The following SPECC1 variants were observed in gnomAD, a reference collection of about 807,000 sequenced individuals.
SPECC1 encodes the protein sperm antigen with calponin homology and coiled-coil domains 1.
In SPECC1, 62 loss-of-function variants were observed where a neutral mutation model predicts 104.1. That is an observed-to-expected ratio of 0.60 (90% confidence interval 0.49 to 0.74). SPECC1 has a LOEUF of 0.74. Among genes scored for constraint, SPECC1 ranks in the 30% least tolerant of loss-of-function variants. The probability of loss-of-function intolerance (pLI) is 0.00; values close to 1 mark genes in which losing one functional copy is unlikely to be tolerated. For synonymous variants in SPECC1, 513 were observed against 501.6 expected (o/e 1.02, Z -0.30); for missense variants, 1,306 against 1,310.5 (o/e 1.00, Z 0.05).
At chr17:20,254,134 C>CGTGTGTGT (rs71357419) in intron 10 of SPECC1, among the ~76,000 whole-genome samples, 6,265 of 135,918 alleles carry the variant, frequency 0.046, 321 homozygotes, top group East Asian at 0.12. Flanking sequence ...GTTGTTACAC[C>CGTGTGTGT]GTGTGTGTGT....
At chr17:20,275,932 C>A (rs2040560703) in intron 12 of SPECC1, among the ~76,000 whole-genome samples, 1 of 151,864 alleles carries the variant, frequency 6.6e-6, no homozygotes, top group African/African-American at 2.4e-5. Context: ...ATATTTTGAA[C>A]CATACGTAAA....
At chr17:20,044,178 G>T (rs536963948) in intron 1 of SPECC1, among the ~76,000 whole-genome samples, 1 of 152,098 alleles carries the variant, frequency 6.6e-6, no homozygotes, top group East Asian at 1.9e-4. Context: ...ATGTTCATAG[G>T]CCCTGGGCAG....
At chr17:20,180,551 A>G (rs1431871566) in intron 3 of SPECC1, among the ~76,000 whole-genome samples, 2 of 152,246 alleles carry the variant, frequency 1.3e-5, no homozygotes, top group African/African-American at 4.8e-5. Flanking sequence ...GGGTCAGCTA[A>G]GCTAAATTGC....
At chr17:20,279,006 A>G (rs1158923262) in intron 12 of SPECC1, among the ~76,000 whole-genome samples, 1 of 152,142 alleles carries the variant, frequency 6.6e-6, no homozygotes, top group Non-Finnish European at 1.5e-5. Flanking sequence ...CAAGTATGCC[A>G]GCAGCTGCTG....
chr17:20,172,477 CAG>C (rs1281976398), intron 3 of SPECC1, among the ~76,000 whole-genome samples: 1 of 152,220 alleles, frequency 6.6e-6, no homozygotes, highest in Non-Finnish European at 1.5e-5. Context: ...CTTTCTCTCT[CAG>C]GGGGCAAGTC....
rs1055343096 is a variant in SPECC1, at chr17:20,254,321, G to A, written c.2680+735G>A. Among the ~76,000 whole-genome samples, 3 of 152,154 alleles carry A rather than the reference G, an allele frequency of 2.0e-5. No homozygotes were observed. The South Asian group carries it at 6.2e-4, about 32-fold the overall frequency. ...TGAAGCAGCCCTCAAGAAGGGACAC[G>A]TGGGCTTGAGTCTCAGTACTGCTGC... On this transcript the variant is annotated intron_variant, in intron 10 of 14. Transcript: ENST00000395527.
At chr17:20,199,080 C>CTTTTT (rs562975649) in intron 3 of SPECC1, among the ~76,000 whole-genome samples, 4 of 76,572 alleles carry the variant, frequency 5.2e-5, no homozygotes, top group Non-Finnish European at 8.9e-5. Context: ...CTTATGGTAG[C>CTTTTT]TTTTTTTTTT....
rs796283399 is a variant in SPECC1 at position 20,244,054 on chromosome 17, T to TA, written c.2352-1860dup. ...CAACATGGCGAAACCCCATCTCTAC[T>TA]AAAAAAAAAAAATACGAAAGATTAG... On this transcript the variant is annotated intron_variant, in intron 7 of 14. Transcript: ENST00000395527. 5.8e-3 allele frequency among the ~76,000 whole-genome samples: 827 copies of TA among 143,640 alleles called. 5 individuals carry two copies. The highest frequency in any genetic ancestry group is 0.018 in the African/African-American group (700 of 39,262). The allele number at this position is 143,640 out of a possible 152,430, so 94.2% of individuals were successfully genotyped here.
chr17:20,163,995 C>T (rs1286644223), intron 3 of SPECC1, among the ~76,000 whole-genome samples: 3 of 152,140 alleles, frequency 2.0e-5, no homozygotes, highest in African/African-American at 7.2e-5. Context: ...AGATCCAATT[C>T]TCATAAACAT....
At chr17:20,073,343 G>C (rs2046633971) in intron 1 of SPECC1, among the ~76,000 whole-genome samples, 1 of 152,182 alleles carries the variant, frequency 6.6e-6, no homozygotes, top group South Asian at 2.1e-4. Context: ...ATCTCAGGGA[G>C]CAGTCAGCAG....
intron 14 of SPECC1, among the ~76,000 whole-genome samples, chr17:20,307,946 C>T (rs1598178587): frequency 6.6e-6 from 1 of 152,214 alleles, no homozygotes; most frequent in East Asian, 1.9e-4. Flanking sequence ...AATTTCTGCT[C>T]ACCAGTAATA....
intron 1 of SPECC1, among the ~76,000 whole-genome samples, chr17:20,073,235 G>T (rs1473230158): frequency 6.6e-6 from 1 of 152,094 alleles, no homozygotes; most frequent in Non-Finnish European, 1.5e-5. Flanking sequence ...GTGTTCACAG[G>T]GTCATGGCAA....
At chr17:20,154,229 G>A (rs1284843808) in intron 3 of SPECC1, among the ~76,000 whole-genome samples, 2 of 152,228 alleles carry the variant, frequency 1.3e-5, no homozygotes, top group Admixed American at 1.3e-4. Flanking sequence ...TAGTAAACAT[G>A]TAGTATATGG....
chr17:20,229,489 A>AC lies in SPECC1; in HGVS notation c.2071+1872dup, dbSNP rs1447756881. Among the ~76,000 whole-genome samples the AC allele has an allele frequency of 3.9e-5, 6 of 152,078 alleles. No individual in the cohort carries two copies. In the East Asian group the frequency reaches 1.2e-3, roughly 29 times the overall value. On this transcript the variant is annotated intron_variant, in intron 5 of 14. Transcript: ENST00000395527. The stretch of plus-strand genomic sequence containing the variant: ...AGACCAGCCTGGGCAACATAGTGAG[A>AC]CCCTGTCTTGACAAAAAAATAAAAT...
At chr17:20,135,803 T>TGTGGGGGACCAGAAGATAAGACTTGC (rs1367428975) in intron 3 of SPECC1, among the ~76,000 whole-genome samples, 1 of 152,152 alleles carries the variant, frequency 6.6e-6, no homozygotes, top group Non-Finnish European at 1.5e-5. Flanking sequence ...AGGAACCATG[T>TGTGGGGGACCAGAAGATAAGACTTGC]GTGGGGGACC....
intron 1 of SPECC1, among the ~76,000 whole-genome samples, chr17:20,065,109 G>C (rs1400362730): frequency 6.6e-6 from 1 of 152,166 alleles, no homozygotes; most frequent in African/African-American, 2.4e-5. Flanking sequence ...TGTTTTGGAA[G>C]AACCCTCTCA....
intron 4 of SPECC1, among the ~76,000 whole-genome samples, chr17:20,222,100 G>A (rs980242338): frequency 2.8e-4 from 43 of 151,558 alleles, no homozygotes; most frequent in African/African-American, 8.2e-4. Flanking sequence ...TTGGGAGGCC[G>A]AGGCGGGCAC....
intron 1 of SPECC1, among the ~76,000 whole-genome samples, chr17:20,080,378 T>G (rs16960678): frequency 0.12 from 18,712 of 152,074 alleles, 1,152 homozygotes; most frequent in Non-Finnish European, 0.13. Flanking sequence ...ATTTATTTAT[T>G]TTGTTTAATT....
chr17:20,115,717 A>C (rs1026845512), intron 3 of SPECC1, among the ~76,000 whole-genome samples: 5 of 152,222 alleles, frequency 3.3e-5, no homozygotes, highest in Admixed American at 3.3e-4. Context: ...ACAATTAACA[A>C]TCTTTCTAAC....
Sources: gnomAD v4.1 joint callset for allele counts (sites outside exome capture counted in the v4.1 genomes callset) on GRCh38, gnomAD v4.1.1 for gene constraint, MANE v1.5 for transcripts, NCBI Gene and HGNC (gene_info 2026-07-23, HGNC 2026-07-21) for gene names.